Variants in EPAS1 observed in about 807,000 individuals in gnomAD.
EPAS1 encodes endothelial PAS domain protein 1.
A neutral mutation model predicts 87.9 loss-of-function variants in EPAS1; 23 were observed. The observed-to-expected ratio is 0.26, with a 90% CI of 0.19 to 0.37. EPAS1 has a LOEUF of 0.37. Ranked by LOEUF, EPAS1 falls within the 10% of genes least tolerant of loss-of-function variation. EPAS1 has a pLI of 1.00. For missense variants in EPAS1, 1,138 were observed against 1,120.7 expected, an observed-to-expected ratio of 1.02 and a Z score of -0.22; for synonymous variants, 508 against 444.3, an observed-to-expected ratio of 1.14 and a Z score of -1.80.
chr2:46,382,879 G>A (rs1448301246), intron 15 of EPAS1, among the ~76,000 whole-genome samples: 1 of 152,240 alleles, frequency 6.6e-6, no homozygotes, highest in African/African-American at 2.4e-5. Context: ...ACTACCGACT[G>A]CCCAAAGAGG....
chr2:46,349,116 G>A (rs185659412), intron 2 of EPAS1, among the ~76,000 whole-genome samples: 6 of 152,302 alleles, frequency 3.9e-5, no homozygotes, highest in Non-Finnish European at 5.9e-5. Flanking sequence ...CAAAGATGCT[G>A]ACAAGGGCTG....
intron 1 of EPAS1, among the ~76,000 whole-genome samples, chr2:46,332,253 G>C (rs1434364298): frequency 7.1e-6 from 1 of 140,884 alleles, no homozygotes; most frequent in Non-Finnish European, 1.5e-5. Flanking sequence ...AGTGTTAATG[G>C]ACAGAACTGG....
intron 8 of EPAS1, 49 bp from the exon 9 acceptor site, chr2:46,376,490 T>G: frequency 6.2e-7 from 1 of 1,603,894 alleles, no homozygotes; most frequent in Non-Finnish European, 8.5e-7. Context: ...GGGAGCAGAA[T>G]TTTTCTAGAA....
chr2:46,315,419 A>G (rs1410025675), intron 1 of EPAS1, among the ~76,000 whole-genome samples: 1 of 152,184 alleles, frequency 6.6e-6, no homozygotes, highest in Non-Finnish European at 1.5e-5. Context: ...CCAGAAGAGT[A>G]GAAATATTGA....
At chr2:46,381,495 C>T in intron 12 of EPAS1, 101 bp from the exon 13 acceptor site, 5 of 1,585,726 alleles carry the variant, frequency 3.2e-6, no homozygotes, top group Non-Finnish European at 4.3e-6. Flanking sequence ...TGAGTCATCA[C>T]AGGCATCAGC....
intron 1 of EPAS1, among the ~76,000 whole-genome samples, chr2:46,342,473 T>C (rs1683931881): frequency 6.6e-6 from 1 of 152,230 alleles, no homozygotes; most frequent in South Asian, 2.1e-4. Context: ...CCTGCTGAAA[T>C]CCATTCTGTT....
At chr2:46,319,037 T>G (rs1683403903) in intron 1 of EPAS1, among the ~76,000 whole-genome samples, 1 of 152,232 alleles carries the variant, frequency 6.6e-6, no homozygotes, top group Non-Finnish European at 1.5e-5. Flanking sequence ...AAGCAGCATC[T>G]TTTCTATATT....
At chr2:46,333,209 G>A (rs944278210) in intron 1 of EPAS1, among the ~76,000 whole-genome samples, 3 of 152,142 alleles carry the variant, frequency 2.0e-5, no homozygotes, top group African/African-American at 7.2e-5. Context: ...CCCCACAGCT[G>A]GGGGACCGTG....
Position 46,309,103 on chromosome 2 carries a change from A to G in EPAS1, c.26+11166A>G, listed in dbSNP as rs1357870635. On this transcript the variant is annotated intron_variant, in intron 1 of 15. Transcript: ENST00000263734. ...GTGCTCAGTAATTATTTGTAGACTG[A>G]GTAATTCTGTCTATGTCAGGAACTT... is the stretch of plus-strand genomic sequence containing the variant. Among the ~76,000 whole-genome samples the G allele has an allele frequency of 2.0e-5, 3 of 152,242 alleles. No individual in the cohort carries two copies. In the East Asian group the frequency reaches 5.8e-4, roughly 29 times the overall value.
At chr2:46,368,386 G>A (rs1684549276) in intron 6 of EPAS1, among the ~76,000 whole-genome samples, 1 of 152,116 alleles carries the variant, frequency 6.6e-6, no homozygotes. Context: ...CCATGACAGA[G>A]GGTACATAAC....
At position 46,376,695 on chromosome 2, in the gene EPAS1, C is replaced by A. The variant is rs138622780; in HGVS notation, c.1191C>A (p.Pro397=). The A allele has an allele frequency of 6.2e-7, 1 of 1,613,586 alleles. No individual in the cohort carries two copies. The highest frequency in any genetic ancestry group is 1.7e-5 in the Admixed American group (1 of 60,006). ...NFLFTKLKEE[P]EELAQLAPTP... is the part of the protein sequence containing the mutation. ...TATTCACCAAGCTAAAGGAGGAGCCCGAGGAGCTGGCCCAGCTGGCTCCCA... is the reference window on the plus strand; with the variant it reads ...TATTCACCAAGCTAAAGGAGGAGCCAGAGGAGCTGGCCCAGCTGGCTCCCA... Residue 397 remains proline (P), a synonymous_variant, in exon 9 of 16, where the codon CCC becomes CCA. Coordinates refer to ENST00000263734, the MANE Select transcript of EPAS1 (RefSeq NM_001430.5).
At chr2:46,313,649 A>G (rs1307061771) in intron 1 of EPAS1, among the ~76,000 whole-genome samples, 1 of 152,078 alleles carries the variant, frequency 6.6e-6, no homozygotes, top group Non-Finnish European at 1.5e-5. Flanking sequence ...ATGGGGTTTC[A>G]CCATGTTGGC....
At chr2:46,348,696 C>T (rs144882036) in intron 2 of EPAS1, among the ~76,000 whole-genome samples, 7 of 152,314 alleles carry the variant, frequency 4.6e-5, no homozygotes, top group African/African-American at 1.7e-4. Flanking sequence ...ATCCCTTATC[C>T]GAAATGCTTG....
intron 2 of EPAS1, among the ~76,000 whole-genome samples, chr2:46,351,831 C>T (rs1299745500): frequency 1.3e-5 from 2 of 152,224 alleles, no homozygotes; most frequent in African/African-American, 4.8e-5. Flanking sequence ...AGCCTGGTCT[C>T]TGAGACCACT....
intron 2 of EPAS1, 24 bp from the exon 3 acceptor site, chr2:46,356,127 T>TGGGGGGGGGGGGGGGGGGGGC: frequency 7.2e-7 from 1 of 1,395,474 alleles, no homozygotes; most frequent in Non-Finnish European, 9.9e-7. Context: ...TCATGCAAGC[T>TGGGGGGGGGGGGGGGGGGGGC]GTCCCACCCC....
At chr2:46,366,002 C>T (rs1388381460) in intron 6 of EPAS1, among the ~76,000 whole-genome samples, 1 of 152,082 alleles carries the variant, frequency 6.6e-6, no homozygotes, top group Admixed American at 6.5e-5. Flanking sequence ...TACTCTCTCA[C>T]CATCTTGCTT....
chr2:46,383,719 A>G (rs1165755234), intron 15 of EPAS1, among the ~76,000 whole-genome samples: 2 of 152,230 alleles, frequency 1.3e-5, no homozygotes, highest in African/African-American at 4.8e-5. Context: ...GAATCATATC[A>G]AACTCTTTTC....
At chr2:46,342,827 T>C (rs1383576462) in intron 1 of EPAS1, among the ~76,000 whole-genome samples, 1 of 152,146 alleles carries the variant, frequency 6.6e-6, no homozygotes, top group East Asian at 1.9e-4. Flanking sequence ...GTAGCATATC[T>C]CTGCTGACAA....
In EPAS1 at chr2:46,384,564, G is replaced by A; in HGVS notation, c.2517G>A (p.Leu839=). 3 of 1,614,164 alleles carry A rather than the reference G, an allele frequency of 1.9e-6. No homozygotes were observed. The highest frequency in any genetic ancestry group is 2.5e-6 in the Non-Finnish European group (3 of 1,180,028). The change falls in exon 16 of 16, where the codon CTG becomes CTA. Residue 839 remains leucine, a synonymous_variant. Coordinates refer to ENST00000263734, the MANE Select transcript of EPAS1 (RefSeq NM_001430.5). The stretch of plus-strand genomic sequence containing the variant: ...TTGAGTCCTACCTGCTGCCCGAACT[G>A]ACCAGATATGACTGTGAGGTGAACG... ...PSFESYLLPE[L]TRYDCEVNVP...
Sources: allele counts gnomAD v4.1 joint callset (sites outside exome capture counted in the v4.1 genomes callset), GRCh38; gene constraint gnomAD v4.1.1; transcripts MANE v1.5; gene names NCBI Gene and HGNC (gene_info 2026-07-23, HGNC 2026-07-21).